ASIC2: variants seen among roughly 807,000 people sequenced by gnomAD.
The protein encoded by ASIC2 is acid sensing ion channel subunit 2, also known as acid-sensing ion channel 2.
A neutral mutation model predicts 57.3 loss-of-function variants in ASIC2; 25 were observed. The observed-to-expected ratio is 0.44, with a 90% CI of 0.32 to 0.61. The LOEUF (loss-of-function observed/expected upper bound fraction) is 0.61. ASIC2 is among the 20% of genes least tolerant of loss of function. The pLI is 0.06. For synonymous variants in ASIC2, 319 were observed against 307.5 expected (o/e 1.04, Z -0.39); for missense variants, 641 against 738.1 (o/e 0.87, Z 1.52).
At chr17:33,303,137 A>G (rs1345256307) in intron 1 of ASIC2, among the ~76,000 whole-genome samples, 1 of 152,238 alleles carries the variant, frequency 6.6e-6, no homozygotes, top group Non-Finnish European at 1.5e-5. Flanking sequence ...CAGAGCCAGG[A>G]TTCCAACTCA....
chr17:33,579,361 G>A (rs770748078), intron 1 of ASIC2, among the ~76,000 whole-genome samples: 14 of 151,536 alleles, frequency 9.2e-5, no homozygotes, highest in Non-Finnish European at 1.6e-4. Flanking sequence ...ATGTGGCTTG[G>A]TATGTTTACA....
intron 1 of ASIC2, among the ~76,000 whole-genome samples, chr17:33,571,521 C>A (rs35670947): frequency 0.16 from 24,768 of 152,126 alleles, 2,608 homozygotes; most frequent in Non-Finnish European, 0.23. Flanking sequence ...CCATTGATAA[C>A]CCCTCTCCCA....
chr17:34,069,127 T>C (rs887756065), intron 1 of ASIC2, among the ~76,000 whole-genome samples: 2 of 151,910 alleles, frequency 1.3e-5, no homozygotes, highest in Admixed American at 6.6e-5. Context: ...GTGATGGGAG[T>C]ATTTACACTG....
chr17:33,292,274 C>A lies in ASIC2; in HGVS notation c.-159G>T. ...AGGAGCTCCGGTGGCGCGGCATGCC[C>A]GCCCGGCGCCGCCGCTGCCGCCTCC... On this transcript the variant is annotated 5_prime_UTR_variant, in exon 1 of 10. Transcript: ENST00000225823. The A allele has an allele frequency of 1.0e-6, 1 of 989,724 alleles. No individual in the cohort carries two copies. Among genetic ancestry groups the A allele is most frequent in the Non-Finnish European group, 1.2e-6 (1 of 834,046 alleles). The allele number at this position is 989,724 out of a possible 1,614,324, so 61.3% of individuals were successfully genotyped here.
At chr17:33,270,073 T>C (rs1009488214) in intron 1 of ASIC2, among the ~76,000 whole-genome samples, 1 of 152,234 alleles carries the variant, frequency 6.6e-6, no homozygotes, top group Admixed American at 6.5e-5. Flanking sequence ...ACTAATCTCA[T>C]TTATAACTTT....
intron 1 of ASIC2, among the ~76,000 whole-genome samples, chr17:33,766,622 A>G (rs1441640149): frequency 6.6e-6 from 1 of 152,196 alleles, no homozygotes; most frequent in East Asian, 1.9e-4. Flanking sequence ...AGCATCCTAA[A>G]TGTGGGATTA....
At chr17:33,749,320 G>A (rs114630944) in intron 1 of ASIC2, among the ~76,000 whole-genome samples, 139 of 151,734 alleles carry the variant, frequency 9.2e-4, no homozygotes, top group African/African-American at 3.3e-3. Context: ...TCTTTGCTTG[G>A]TAGGACTCAC....
chr17:33,424,407 A>G (rs901930428), intron 1 of ASIC2, among the ~76,000 whole-genome samples: 2 of 152,216 alleles, frequency 1.3e-5, no homozygotes, highest in African/African-American at 4.8e-5. Flanking sequence ...GAAGGGCAGA[A>G]GTTCAGTGGG....
chr17:33,334,515 T>A (rs753342567), intron 1 of ASIC2, among the ~76,000 whole-genome samples: 1 of 152,224 alleles, frequency 6.6e-6, no homozygotes, highest in Non-Finnish European at 1.5e-5. Context: ...ACTGTCCTTT[T>A]GTGACCACAG....
intron 1 of ASIC2, among the ~76,000 whole-genome samples, chr17:33,774,137 A>G (rs1244609779): frequency 6.6e-6 from 1 of 152,182 alleles, no homozygotes; most frequent in Non-Finnish European, 1.5e-5. Flanking sequence ...TCCCAAGCTC[A>G]TATTTCTTCC....
At chr17:34,063,658 G>A (rs553717455) in intron 1 of ASIC2, among the ~76,000 whole-genome samples, 1 of 151,000 alleles carries the variant, frequency 6.6e-6, no homozygotes, top group African/African-American at 2.4e-5. Context: ...ACTGATAAAA[G>A]AACTCAGCCA....
At chr17:33,578,763 G>A (rs1423416260) in intron 1 of ASIC2, among the ~76,000 whole-genome samples, 1 of 150,484 alleles carries the variant, frequency 6.6e-6, no homozygotes, top group African/African-American at 2.5e-5. Flanking sequence ...AGCCCCACCT[G>A]GAAGGTGCTG....
intron 1 of ASIC2, among the ~76,000 whole-genome samples, chr17:33,933,997 C>G (rs1916003291): frequency 6.6e-6 from 1 of 152,222 alleles, no homozygotes; most frequent in South Asian, 2.1e-4. Context: ...GTATTTGATT[C>G]TTTCGGGTCA....
At chr17:33,476,895 T>C (rs1170541671) in intron 1 of ASIC2, among the ~76,000 whole-genome samples, 3 of 152,136 alleles carry the variant, frequency 2.0e-5, no homozygotes, top group African/African-American at 7.2e-5. Context: ...ATGGTTTGCA[T>C]ATAGGACTTT....
chr17:33,747,511 T>A (rs560689123), intron 1 of ASIC2, among the ~76,000 whole-genome samples: 57 of 152,252 alleles, frequency 3.7e-4, no homozygotes, highest in African/African-American at 1.4e-3. Flanking sequence ...GCGTACTCCA[T>A]TGTGCCTGGC....
At chr17:33,744,142 T>C (rs1204913848) in intron 1 of ASIC2, among the ~76,000 whole-genome samples, 2 of 152,098 alleles carry the variant, frequency 1.3e-5, no homozygotes, top group African/African-American at 4.8e-5. Flanking sequence ...AAATAACTCC[T>C]CTTATTAAGA....
chr17:34,050,418 G>A (rs922332233), intron 1 of ASIC2, among the ~76,000 whole-genome samples: 3 of 152,152 alleles, frequency 2.0e-5, no homozygotes, highest in African/African-American at 7.2e-5. Context: ...GGGATGTGAA[G>A]GCTGGCACGG....
chr17:33,053,621 C>T (rs551017794), intron 3 of ASIC2, among the ~76,000 whole-genome samples: 11 of 152,300 alleles, frequency 7.2e-5, no homozygotes, highest in African/African-American at 2.6e-4. Context: ...CAATCTGACC[C>T]CCACCTGATC....
At chr17:33,534,437 A>AT (rs1915159888) in intron 1 of ASIC2, 1 of 152,174 alleles carries the variant, frequency 6.6e-6, no homozygotes, top group African/African-American at 2.4e-5. Context: ...CAAACAGATC[A>AT]TTTTTAAAAT....
Sources: gnomAD v4.1 joint callset for allele counts (sites outside exome capture counted in the v4.1 genomes callset) on GRCh38, gnomAD v4.1.1 for gene constraint, MANE v1.5 for transcripts, NCBI Gene and HGNC (gene_info 2026-07-23, HGNC 2026-07-21) for gene names.